Variants in WDR41 observed in about 807,000 individuals in gnomAD.
WDR41 encodes the protein WD repeat domain 41.
Under a neutral mutation model 69.3 loss-of-function variants are expected in WDR41, and 63 were observed. The ratio of observed to expected loss-of-function variants is 0.91; its 90% CI spans 0.74 to 1.12. The LOEUF (loss-of-function observed/expected upper bound fraction) is 1.12, where lower values mean the gene tolerates loss of function less well. Ranked by LOEUF, WDR41 falls within the 50% of genes most tolerant of loss-of-function variation. WDR41 has a pLI of 0.00. For synonymous variants in WDR41, 185 were observed against 192.1 expected (o/e 0.96, Z 0.31); for missense variants, 543 against 534.5 (o/e 1.02, Z -0.16).
chr5:77,465,819 G>A (rs114025245), intron 2 of WDR41, among the ~76,000 whole-genome samples: 118 of 151,356 alleles, frequency 7.8e-4, no homozygotes, highest in African/African-American at 2.7e-3. Flanking sequence ...GATGCTATGT[G>A]AGCATCTGTT....
intron 1 of WDR41, among the ~76,000 whole-genome samples, chr5:77,566,996 A>G (rs1376888141): frequency 1.3e-5 from 2 of 152,208 alleles, no homozygotes; most frequent in Non-Finnish European, 2.9e-5. Context: ...ATGGTAGTAC[A>G]TGAACCAACT....
chr5:77,432,620 A>G lies in WDR41; in HGVS notation c.*515T>C, dbSNP rs372451527. ...CTAAAAAACATTTTTAAAATTATCT[A>G]AACAAATTGGTACCAAAGAAAACTT... On this transcript the variant is annotated 3_prime_UTR_variant, in exon 13 of 13. Coordinates refer to ENST00000296679, the MANE Select transcript of WDR41 (RefSeq NM_018268.4). 3.9e-5 allele frequency: 6 copies of G among 152,358 alleles called. No individual in the cohort carries two copies. The highest frequency in any genetic ancestry group is 1.4e-4 in the African/African-American group (6 of 41,570). 9.4% of individuals were successfully genotyped at this position (152,358 alleles called of 1,614,324 possible).
At chr5:77,463,931 G>C (rs1428665582) in intron 3 of WDR41, among the ~76,000 whole-genome samples, 1 of 151,924 alleles carries the variant, frequency 6.6e-6, no homozygotes, top group African/African-American at 2.4e-5. Context: ...AGTCAGACTA[G>C]ATAACAATCC....
At position 77,438,128 on chromosome 5, in the gene WDR41, A is replaced by G; in HGVS notation, c.1004+112T>C. 6 of 1,474,024 alleles carry G rather than the reference A, an allele frequency of 4.1e-6. No homozygotes were observed. In the South Asian group the frequency reaches 7.7e-5, roughly 19 times the overall value. The allele number at this position is 1,474,024 out of a possible 1,614,324, so 91.3% of individuals were successfully genotyped here. A position where few individuals can be genotyped will look rare whatever the true frequency, so the allele number is the denominator to read the frequency against. ...AGGCATTCTCCATTTCCAAAAGAAC[A>G]CAGCAGGTCAAGCCATGAAGCCAGG... On this transcript the variant is annotated intron_variant, in intron 10 of 12. Transcript: ENST00000296679.
intron 1 of WDR41, among the ~76,000 whole-genome samples, chr5:77,535,938 T>A (rs555960532): frequency 6.6e-6 from 1 of 152,208 alleles, no homozygotes; most frequent in African/African-American, 2.4e-5. Context: ...TCTGCCCTTA[T>A]AAGAATGGAT....
chr5:77,616,236 C>T (rs1580055545), intron 1 of WDR41, among the ~76,000 whole-genome samples: 1 of 151,788 alleles, frequency 6.6e-6, no homozygotes, highest in African/African-American at 2.4e-5. Flanking sequence ...ACACAGGTCA[C>T]GAAATAAATC....
intron 1 of WDR41, among the ~76,000 whole-genome samples, chr5:77,609,312 C>T (rs1194392371): frequency 1.3e-5 from 2 of 152,150 alleles, no homozygotes; most frequent in African/African-American, 2.4e-5. Context: ...GTGGTTCTCC[C>T]AGCACGCAGC....
At chr5:77,435,976 C>T (rs1241424644) in intron 12 of WDR41, among the ~76,000 whole-genome samples, 5 of 152,268 alleles carry the variant, frequency 3.3e-5, no homozygotes, top group Middle Eastern at 3.4e-3. Context: ...GTCATATAGT[C>T]AACATTATTC....
chr5:77,573,171 C>A (rs1025595512), intron 1 of WDR41, among the ~76,000 whole-genome samples: 9 of 152,024 alleles, frequency 5.9e-5, no homozygotes, highest in Admixed American at 2.6e-4. Context: ...CTTAGGGGAT[C>A]CAGAAACTAA....
intron 12 of WDR41, among the ~76,000 whole-genome samples, chr5:77,436,054 A>G (rs1239765494): frequency 3.3e-5 from 5 of 152,244 alleles, no homozygotes; most frequent in African/African-American, 7.2e-5. Context: ...CTTAAAAGCA[A>G]TGCATTCCTT....
At chr5:77,556,880 T>C (rs1268725754) in intron 1 of WDR41, among the ~76,000 whole-genome samples, 3 of 152,160 alleles carry the variant, frequency 2.0e-5, no homozygotes, top group Non-Finnish European at 2.9e-5. Context: ...TGGTCAGTGA[T>C]AGGGCCAGTA....
chr5:77,520,175 A>C (rs900607137), intron 1 of WDR41, among the ~76,000 whole-genome samples: 1 of 152,200 alleles, frequency 6.6e-6, no homozygotes, highest in African/African-American at 2.4e-5. Context: ...GATTGATTAA[A>C]TAAAATTAAT....
intron 1 of WDR41, among the ~76,000 whole-genome samples, chr5:77,607,266 G>T (rs559945192): frequency 5.4e-4 from 82 of 152,308 alleles, no homozygotes; most frequent in Admixed American, 1.1e-3. Flanking sequence ...TCACTAAAAT[G>T]AGGAAATAGA....
intron 1 of WDR41, among the ~76,000 whole-genome samples, chr5:77,517,005 G>A (rs1259162621): frequency 2.1e-5 from 3 of 142,528 alleles, no homozygotes; most frequent in Non-Finnish European, 4.5e-5. Context: ...GACAGAGCGA[G>A]ACTCCATCTC....
intron 8 of WDR41, among the ~76,000 whole-genome samples, chr5:77,449,152 T>C (rs17751031): frequency 0.1 from 15,362 of 152,194 alleles, 1,036 homozygotes; most frequent in East Asian, 0.26. Flanking sequence ...GATCTTGCCA[T>C]CTGATGTCAG....
At chr5:77,535,492 A>G (rs1440341972) in intron 1 of WDR41, among the ~76,000 whole-genome samples, 5 of 152,184 alleles carry the variant, frequency 3.3e-5, no homozygotes. Context: ...CGGTATAGTC[A>G]CAGCAAAGAA....
At chr5:77,544,181 T>C (rs1189715958) in intron 1 of WDR41, among the ~76,000 whole-genome samples, 1 of 151,770 alleles carries the variant, frequency 6.6e-6, no homozygotes, top group Non-Finnish European at 1.5e-5. Flanking sequence ...TGGAAACACA[T>C]CAAAACAGAA....
chr5:77,452,921 AAGAG>A (rs890520619), intron 6 of WDR41: 9 of 152,314 alleles, frequency 5.9e-5, no homozygotes, highest in African/African-American at 1.7e-4. Context: ...AGGCTAGTGA[AAGAG>A]AGAGAAAAAT....
At chr5:77,597,819 G>C (rs75078114) in intron 1 of WDR41, among the ~76,000 whole-genome samples, 1,737 of 152,242 alleles carry the variant, frequency 0.011, 33 homozygotes, top group African/African-American at 0.04. Context: ...ATCCAGATGA[G>C]TGTTTTGAAA....
Sources: allele counts gnomAD v4.1 joint callset (sites outside exome capture counted in the v4.1 genomes callset), GRCh38; gene constraint gnomAD v4.1.1; transcripts MANE v1.5; gene names NCBI Gene and HGNC (gene_info 2026-07-23, HGNC 2026-07-21).